The following AFG2A variants were observed in gnomAD, a reference collection of about 807,000 sequenced individuals.
AFG2A encodes the protein ATPase family gene 2 protein homolog A.
the AFG2A span, among the ~76,000 whole-genome samples, chr4:123,169,002 A>G: frequency 2.0e-5 from 3 of 152,176 alleles, no homozygotes; most frequent in Admixed American, 1.3e-4. Flanking sequence ...GTCTGTCCTG[A>G]GTTGGTAAAT....
the AFG2A span, among the ~76,000 whole-genome samples, chr4:122,923,714 C>A: frequency 6.6e-6 from 1 of 152,148 alleles, no homozygotes; most frequent in African/African-American, 2.4e-5. Flanking sequence ...GTGATGATAG[C>A]ATTTTCTTCC....
At chr4:123,082,749 A>C in the AFG2A span, among the ~76,000 whole-genome samples, 8 of 152,076 alleles carry the variant, frequency 5.3e-5, no homozygotes, top group Non-Finnish European at 1.2e-4. Flanking sequence ...TCTGTGGATC[A>C]AGTTGAAAAG....
chr4:123,096,246 A>C, the AFG2A span, among the ~76,000 whole-genome samples: 1 of 152,002 alleles, frequency 6.6e-6, no homozygotes, highest in Non-Finnish European at 1.5e-5. Context: ...TTTGCGTAAG[A>C]GTGATAGGAT....
At chr4:122,942,418 C>T in the AFG2A span, among the ~76,000 whole-genome samples, 4,846 of 149,468 alleles carry the variant, frequency 0.032, 254 homozygotes, top group African/African-American at 0.11. Flanking sequence ...AGTTTATTTG[C>T]GTAGAGGTGT....
the AFG2A span, among the ~76,000 whole-genome samples, chr4:123,041,516 G>T: frequency 1.1e-4 from 16 of 151,310 alleles, no homozygotes; most frequent in East Asian, 5.9e-4. Context: ...GTTTTTTGGG[G>T]TTTTTTTGTT....
At chr4:123,291,848 C>T in the AFG2A span, among the ~76,000 whole-genome samples, 1 of 152,198 alleles carries the variant, frequency 6.6e-6, no homozygotes, top group African/African-American at 2.4e-5. Context: ...ATATGCCTTG[C>T]TGATGTCCAT....
chr4:122,934,126 C>G, the AFG2A span: 1 of 1,604,624 alleles, frequency 6.2e-7, no homozygotes, highest in Non-Finnish European at 8.5e-7. Flanking sequence ...AGGCAACTTT[C>G]TGTATTGTAC....
At chr4:123,162,357 C>T in the AFG2A span, among the ~76,000 whole-genome samples, 1 of 152,184 alleles carries the variant, frequency 6.6e-6, no homozygotes, top group East Asian at 1.9e-4. Context: ...CAACTTTTCT[C>T]TTTACCAATT....
chr4:123,225,460 A>G, the AFG2A span, among the ~76,000 whole-genome samples: 1 of 152,180 alleles, frequency 6.6e-6, no homozygotes, highest in Non-Finnish European at 1.5e-5. Context: ...CCATTTATTA[A>G]CTAAGGAATC....
chr4:123,200,425 CT>C, the AFG2A span, among the ~76,000 whole-genome samples: 2 of 152,166 alleles, frequency 1.3e-5, no homozygotes. Context: ...ATTTATGCTA[CT>C]TATTAATACA....
the AFG2A span, among the ~76,000 whole-genome samples, chr4:123,084,626 A>AT: frequency 6.6e-6 from 1 of 151,390 alleles, no homozygotes; most frequent in Non-Finnish European, 1.5e-5. Flanking sequence ...ATATATATAT[A>AT]AAGAGAGAGA....
At chr4:122,944,159 T>A in the AFG2A span, among the ~76,000 whole-genome samples, 1 of 152,230 alleles carries the variant, frequency 6.6e-6, no homozygotes, top group Admixed American at 6.5e-5. Context: ...GTTCTCTGTA[T>A]TTCCTGAATC....
At chr4:123,240,327 A>G in the AFG2A span, among the ~76,000 whole-genome samples, 1 of 152,202 alleles carries the variant, frequency 6.6e-6, no homozygotes, top group Admixed American at 6.5e-5. Context: ...CAGAATATAC[A>G]TTCTTCTCAG....
the AFG2A span, among the ~76,000 whole-genome samples, chr4:123,225,043 C>A: frequency 2.0e-5 from 3 of 152,162 alleles, no homozygotes; most frequent in Admixed American, 1.3e-4. Flanking sequence ...CCTTCACCCA[C>A]TTGTTGATGG....
the AFG2A span, among the ~76,000 whole-genome samples, chr4:123,225,951 G>A: frequency 6.6e-6 from 1 of 152,072 alleles, no homozygotes; most frequent in Admixed American, 6.5e-5. Context: ...GGATTCCTAG[G>A]TATTTTATTC....
the AFG2A span, among the ~76,000 whole-genome samples, chr4:123,251,034 A>G: frequency 2.6e-5 from 4 of 152,128 alleles, no homozygotes; most frequent in Non-Finnish European, 4.4e-5. Context: ...GGCCCAGACA[A>G]TGTTATAATA....
the AFG2A span, among the ~76,000 whole-genome samples, chr4:122,973,769 C>A: frequency 6.6e-6 from 1 of 152,172 alleles, no homozygotes. Flanking sequence ...TGGCTCACTG[C>A]GGTCTTGACT....
chr4:123,079,596 C>T, the AFG2A span, among the ~76,000 whole-genome samples: 1 of 151,890 alleles, frequency 6.6e-6, no homozygotes, highest in Non-Finnish European at 1.5e-5. Flanking sequence ...GTAGTGTAGT[C>T]AGGTTAACAT....
At chr4:123,139,015 A>T in the AFG2A span, among the ~76,000 whole-genome samples, 2 of 152,176 alleles carry the variant, frequency 1.3e-5, no homozygotes, top group South Asian at 4.1e-4. Flanking sequence ...CCTATTAACC[A>T]TGTGGTTTTA....
Sources: allele counts gnomAD v4.1 joint callset (sites outside exome capture counted in the v4.1 genomes callset), GRCh38; gene constraint gnomAD v4.1.1; transcripts MANE v1.5; gene names NCBI Gene and HGNC (gene_info 2026-07-23, HGNC 2026-07-21).